SLC25A21: variants seen among roughly 807,000 people sequenced by gnomAD.
The protein encoded by SLC25A21 is mitochondrial 2-oxodicarboxylate carrier.
Under a neutral mutation model 43.8 loss-of-function variants are expected in SLC25A21, and 47 were observed. That is an observed-to-expected ratio of 1.07 (90% confidence interval 0.85 to 1.37). The LOEUF is 1.37. Among genes scored for constraint, SLC25A21 ranks in the 40% most tolerant of loss-of-function variants. The pLI is 0.00. For missense variants in SLC25A21, 352 were observed against 350.2 expected, an observed-to-expected ratio of 1.00 and a Z score of -0.04; for synonymous variants, 131 against 121.3, an observed-to-expected ratio of 1.08 and a Z score of -0.52.
intron 1 of SLC25A21, among the ~76,000 whole-genome samples, chr14:36,994,798 A>G (rs1960336846): frequency 6.6e-6 from 1 of 152,170 alleles, no homozygotes; most frequent in African/African-American, 2.4e-5. Flanking sequence ...ACAGCAATAA[A>G]CAAAAGGAAA....
chr14:36,678,595 C>G lies in SLC25A21; in HGVS notation c.*2063G>C. 6.6e-7 allele frequency: 1 copy of G among 1,508,808 alleles called. No homozygotes were observed. Among genetic ancestry groups the G allele is most frequent in the Non-Finnish European group, 8.8e-7 (1 of 1,133,696 alleles). The allele number at this position is 1,508,808 out of a possible 1,614,324, so 93.5% of individuals were successfully genotyped here. A position where few individuals can be genotyped will look rare whatever the true frequency, so the allele number is the denominator to read the frequency against. ...AGGGACTCTCCTGTCATCTGAAAAA[C>G]TGATGTAAGGTACAGAACTATTCTT... On this transcript the variant is annotated 3_prime_UTR_variant, in exon 10 of 10. Coordinates refer to ENST00000331299, the MANE Select transcript of SLC25A21 (RefSeq NM_030631.4).
intron 6 of SLC25A21, among the ~76,000 whole-genome samples, chr14:36,716,807 G>A (rs1264047079): frequency 6.6e-6 from 1 of 152,234 alleles, no homozygotes; most frequent in African/African-American, 2.4e-5. Context: ...ATACCAGTCA[G>A]AGTATGGCCA....
intron 1 of SLC25A21, among the ~76,000 whole-genome samples, chr14:37,002,789 G>T (rs544405229): frequency 1.2e-4 from 19 of 152,202 alleles, no homozygotes; most frequent in Non-Finnish European, 2.5e-4. Context: ...GGAAGGGCTA[G>T]TCCATGATAT....
chr14:36,922,839 C>T (rs1892019513), intron 1 of SLC25A21, among the ~76,000 whole-genome samples: 1 of 152,112 alleles, frequency 6.6e-6, no homozygotes, highest in Admixed American at 6.6e-5. Flanking sequence ...AGATGACCCA[C>T]AACTACCTTA....
At chr14:36,849,876 T>A (rs1889669350) in intron 2 of SLC25A21, among the ~76,000 whole-genome samples, 1 of 152,206 alleles carries the variant, frequency 6.6e-6, no homozygotes. Context: ...TACTTTTAGT[T>A]ACTCATTAAC....
intron 4 of SLC25A21, among the ~76,000 whole-genome samples, chr14:36,732,461 T>C (rs1884868948): frequency 6.6e-6 from 1 of 152,156 alleles, no homozygotes; most frequent in Admixed American, 6.5e-5. Flanking sequence ...CTTTTCCTTT[T>C]GCTAACTACA....
intron 1 of SLC25A21, among the ~76,000 whole-genome samples, chr14:37,023,755 A>G (rs1352586691): frequency 6.6e-6 from 1 of 151,594 alleles, no homozygotes; most frequent in East Asian, 1.9e-4. Context: ...CTGATTAACA[A>G]TTCTCTCATG....
intron 3 of SLC25A21, among the ~76,000 whole-genome samples, chr14:36,803,561 C>T (rs533197095): frequency 1.3e-5 from 2 of 152,150 alleles, no homozygotes; most frequent in Non-Finnish European, 2.9e-5. Context: ...AAACTCACAA[C>T]CTCTCTTTAA....
chr14:37,058,872 T>C (rs1288741964), intron 1 of SLC25A21, among the ~76,000 whole-genome samples: 2 of 152,168 alleles, frequency 1.3e-5, no homozygotes, highest in South Asian at 2.1e-4. Flanking sequence ...TCTTGCCCTC[T>C]TGGATCAGAT....
At chr14:36,796,809 C>T (rs765567045) in intron 3 of SLC25A21, among the ~76,000 whole-genome samples, 4 of 152,136 alleles carry the variant, frequency 2.6e-5, no homozygotes, top group African/African-American at 7.2e-5. Flanking sequence ...AATGTTCACA[C>T]GTCGGCTTTG....
chr14:37,026,851 G>C (rs189110585), intron 1 of SLC25A21, among the ~76,000 whole-genome samples: 1 of 152,082 alleles, frequency 6.6e-6, no homozygotes, highest in Non-Finnish European at 1.5e-5. Context: ...TAGTTGTCCC[G>C]TGTGTGGCTA....
intron 1 of SLC25A21, among the ~76,000 whole-genome samples, chr14:37,109,441 T>TA (rs1962979286): frequency 6.6e-6 from 1 of 152,110 alleles, no homozygotes; most frequent in African/African-American, 2.4e-5. Flanking sequence ...TATAAAAACA[T>TA]AAAAATGCCA....
chr14:36,892,465 G>A (rs1248459991), intron 1 of SLC25A21, among the ~76,000 whole-genome samples: 8 of 152,116 alleles, frequency 5.3e-5, no homozygotes, highest in African/African-American at 1.9e-4. Context: ...AGGAAATCCT[G>A]TGATTTGCAA....
At chr14:36,785,289 G>A (rs1312364007) in intron 3 of SLC25A21, among the ~76,000 whole-genome samples, 1 of 152,034 alleles carries the variant, frequency 6.6e-6, no homozygotes, top group Non-Finnish European at 1.5e-5. Flanking sequence ...TTGGATCTTG[G>A]GTTTGACAAC....
intron 1 of SLC25A21, among the ~76,000 whole-genome samples, chr14:37,141,792 A>T (rs965602514): frequency 1.3e-5 from 2 of 152,212 alleles, no homozygotes; most frequent in East Asian, 1.9e-4. Flanking sequence ...TTTATTTTTC[A>T]GAATAACCAC....
At chr14:37,060,423 A>AATAATAATAATAATG (rs1555344633) in intron 1 of SLC25A21, among the ~76,000 whole-genome samples, 5 of 136,332 alleles carry the variant, frequency 3.7e-5, no homozygotes, top group Middle Eastern at 4.1e-3. Context: ...TAATAATAAT[A>AATAATAATAATAATG]ATGATGTAAC....
intron 2 of SLC25A21, among the ~76,000 whole-genome samples, chr14:36,815,818 T>C (rs1273499828): frequency 1.3e-5 from 2 of 152,270 alleles, no homozygotes; most frequent in South Asian, 2.1e-4. Context: ...GTGCTTTACT[T>C]TATTGTTCCT....
At chr14:36,949,380 T>A (rs947093028) in intron 1 of SLC25A21, among the ~76,000 whole-genome samples, 5 of 152,238 alleles carry the variant, frequency 3.3e-5, no homozygotes, top group African/African-American at 1.2e-4. Context: ...TGAAGATTTT[T>A]AATTCACATT....
intron 1 of SLC25A21, among the ~76,000 whole-genome samples, chr14:37,108,048 G>A (rs1437014779): frequency 6.6e-6 from 1 of 152,134 alleles, no homozygotes; most frequent in Non-Finnish European, 1.5e-5. Context: ...CATGGGCAAG[G>A]CTCTTAAGCC....
Sources: allele counts gnomAD v4.1 joint callset (sites outside exome capture counted in the v4.1 genomes callset), GRCh38; gene constraint gnomAD v4.1.1; transcripts MANE v1.5; gene names NCBI Gene and HGNC (gene_info 2026-07-23, HGNC 2026-07-21).